Variants in GABBR2 observed in about 807,000 individuals in gnomAD.
GABBR2 encodes the protein G-protein coupled receptor 51.
GABBR2 carries 23 observed loss-of-function variants against 105.6 expected under a neutral mutation model. That is an observed-to-expected ratio of 0.22 (90% CI 0.16 to 0.31). The LOEUF is 0.31. Among genes scored for constraint, GABBR2 ranks in the 10% least tolerant of loss-of-function variants. GABBR2 has a pLI of 1.00. For missense variants in GABBR2, 734 were observed against 1,245.5 expected, an observed-to-expected ratio of 0.59 and a Z score of 6.18; for synonymous variants, 478 against 499.7, an observed-to-expected ratio of 0.96 and a Z score of 0.58.
intron 1 of GABBR2, among the ~76,000 whole-genome samples, chr9:98,666,698 C>T (rs1320655286): frequency 1.3e-5 from 2 of 152,156 alleles, no homozygotes; most frequent in Non-Finnish European, 2.9e-5. Context: ...TAAGTAGTTA[C>T]TCATGGCTGG....
chr9:98,586,303 GT>G (rs1276167669), intron 1 of GABBR2, among the ~76,000 whole-genome samples: 1 of 69,452 alleles, frequency 1.4e-5, no homozygotes, highest in East Asian at 3.9e-4. Flanking sequence ...TTTTTTTTTT[GT>G]TTGTTTGTTT....
chr9:98,448,919 TAA>T (rs10623958), intron 7 of GABBR2, among the ~76,000 whole-genome samples: 36,799 of 146,462 alleles, frequency 0.25, 4,901 homozygotes, highest in East Asian at 0.49. Context: ...GGAAAGAGTT[TAA>T]AAAAAAAAAA....
At chr9:98,552,519 G>T (rs552046419) in intron 2 of GABBR2, among the ~76,000 whole-genome samples, 4 of 152,158 alleles carry the variant, frequency 2.6e-5, no homozygotes, top group Non-Finnish European at 5.9e-5. Flanking sequence ...TCAGGTCTGC[G>T]CCAGGTCGCC....
chr9:98,288,204 A>G lies in GABBR2; in HGVS notation c.*2380T>C, dbSNP rs1830229290. Reference sequence around the variant, plus strand: ...ATTTACATTTGATTCTGGCAGTTCCAGTCTAATTTAAAGCGTTTTGTGCAC... The same window carrying G: ...ATTTACATTTGATTCTGGCAGTTCCGGTCTAATTTAAAGCGTTTTGTGCAC... On this transcript the variant is annotated 3_prime_UTR_variant, in exon 19 of 19. Coordinates refer to ENST00000259455, the MANE Select transcript of GABBR2 (RefSeq NM_005458.8). 6.6e-6 allele frequency: 1 copy of G among 152,670 alleles called. No homozygotes were observed. Among genetic ancestry groups the G allele is most frequent in the Admixed American group, 6.5e-5 (1 of 15,288 alleles). 9.5% of individuals were successfully genotyped at this position (152,670 alleles called of 1,614,324 possible). A position where few individuals can be genotyped will look rare whatever the true frequency, so the allele number is the denominator to read the frequency against.
chr9:98,528,806 G>C (rs4534235), intron 3 of GABBR2, among the ~76,000 whole-genome samples: 146,735 of 152,284 alleles, frequency 0.96, 70,751 homozygotes, highest in African/African-American at 0.99. Context: ...GCAGGGAATG[G>C]TCCCGTATAC....
At chr9:98,603,273 T>C (rs950214800) in intron 1 of GABBR2, among the ~76,000 whole-genome samples, 9 of 152,224 alleles carry the variant, frequency 5.9e-5, no homozygotes, top group African/African-American at 2.2e-4. Flanking sequence ...AACTTCCTCA[T>C]TGTCCTGTTA....
chr9:98,555,884 C>T lies in GABBR2; in HGVS notation c.460-13841G>A, dbSNP rs190162148. ...CCCTGCTCTCCCTCAGTTCTCCCAG[C>T]ACTGTTTCTTCCCTTTGTGGTGAGG... On this transcript the variant is annotated intron_variant, in intron 2 of 18. Transcript: ENST00000259455. 2.9e-3 allele frequency: 447 copies of T among 152,486 alleles called. 1 individual carries two copies. The highest frequency in any genetic ancestry group is 5.0e-3 in the Admixed American group (77 of 15,300). 9.4% of individuals were successfully genotyped at this position (152,486 alleles called of 1,614,324 possible). A position where few individuals can be genotyped will look rare whatever the true frequency, so the allele number is the denominator to read the frequency against.
chr9:98,407,871 T>C (rs1221588639), intron 7 of GABBR2, among the ~76,000 whole-genome samples: 1 of 152,190 alleles, frequency 6.6e-6, no homozygotes, highest in Non-Finnish European at 1.5e-5. Context: ...AGATCTGTCA[T>C]ATTTTATTTT....
intron 3 of GABBR2, among the ~76,000 whole-genome samples, chr9:98,535,118 GA>G (rs1828146439): frequency 6.6e-6 from 1 of 151,992 alleles, no homozygotes; most frequent in Non-Finnish European, 1.5e-5. Context: ...GGCACCGGGG[GA>G]ACAGAGTCTC....
intron 6 of GABBR2, among the ~76,000 whole-genome samples, chr9:98,459,783 A>G (rs1156298732): frequency 1.3e-5 from 2 of 152,264 alleles, no homozygotes; most frequent in African/African-American, 4.8e-5. Flanking sequence ...ACTAGGAATC[A>G]GGGCAAACCA....
In GABBR2 at chr9:98,411,478, T is replaced by C. The variant is rs1413940446; in HGVS notation, c.1237-5337A>G. Among the ~76,000 whole-genome samples the C allele has an allele frequency of 2.0e-5, 3 of 152,192 alleles. 1 individual carries two copies. The highest frequency in any genetic ancestry group is 4.1e-4 in the South Asian group (2 of 4,830). On this transcript the variant is annotated intron_variant, in intron 7 of 18. Coordinates refer to ENST00000259455, the MANE Select transcript of GABBR2 (RefSeq NM_005458.8). ...AAAGAAGATAATTATGAAATGAGAA[T>C]AGCCAGGGATGGGGCACAGCAAGGG...
chr9:98,648,128 G>GTGTGTGTGTGTGT (rs1271189831), intron 1 of GABBR2, among the ~76,000 whole-genome samples: 188 of 72,218 alleles, frequency 2.6e-3, no homozygotes, highest in Non-Finnish European at 4.8e-3. Context: ...TAGATAGATA[G>GTGTGTGTGTGTGT]ATAGATAGAT....
intron 1 of GABBR2, among the ~76,000 whole-genome samples, chr9:98,678,224 T>A (rs1660834797): frequency 6.6e-6 from 1 of 152,208 alleles, no homozygotes; most frequent in Non-Finnish European, 1.5e-5. Flanking sequence ...ATTTTGGACC[T>A]AATTTTCACC....
chr9:98,430,878 G>A (rs1360011405), intron 7 of GABBR2, among the ~76,000 whole-genome samples: 1 of 151,368 alleles, frequency 6.6e-6, no homozygotes, highest in Non-Finnish European at 1.5e-5. Context: ...AGGGGTCACT[G>A]TCCTCTGCTG....
chr9:98,394,053 T>G, intron 9 of GABBR2, 122 bp downstream of exon 9: 1 of 700,484 alleles, frequency 1.4e-6, no homozygotes, highest in African/African-American at 1.7e-5. Context: ...GTGCATGTGT[T>G]GAGGATGTTC....
intron 1 of GABBR2, among the ~76,000 whole-genome samples, chr9:98,648,853 A>C (rs1180308128): frequency 6.6e-6 from 1 of 152,154 alleles, no homozygotes; most frequent in Non-Finnish European, 1.5e-5. Flanking sequence ...AATACTATTA[A>C]GTTTCTTCCA....
chr9:98,431,910 T>G (rs1038374318), intron 7 of GABBR2, among the ~76,000 whole-genome samples: 1 of 152,088 alleles, frequency 6.6e-6, no homozygotes, highest in African/African-American at 2.4e-5. Context: ...TATCACTATT[T>G]TTTGAGATGG....
chr9:98,573,191 G>A (rs1028528180), intron 2 of GABBR2, among the ~76,000 whole-genome samples: 1 of 152,220 alleles, frequency 6.6e-6, no homozygotes, highest in African/African-American at 2.4e-5. Flanking sequence ...GGAACCAGGA[G>A]ATGAAGGAAG....
intron 13 of GABBR2, among the ~76,000 whole-genome samples, chr9:98,320,684 T>C (rs1830804250): frequency 6.6e-6 from 1 of 151,974 alleles, no homozygotes; most frequent in Non-Finnish European, 1.5e-5. Flanking sequence ...TGTAGGGACA[T>C]GGATGAAATT....
Sources: allele counts gnomAD v4.1 joint callset (sites outside exome capture counted in the v4.1 genomes callset), GRCh38; gene constraint gnomAD v4.1.1; transcripts MANE v1.5; gene names NCBI Gene and HGNC (gene_info 2026-07-23, HGNC 2026-07-21).